Variants in UGT8 observed in about 807,000 individuals in gnomAD.
The protein encoded by UGT8 is UDP glycosyltransferase 8.
In UGT8, 12 loss-of-function variants were observed where a neutral mutation model predicts 40.5. The ratio of observed to expected loss-of-function variants is 0.30; its 90% CI spans 0.19 to 0.48. UGT8 has a LOEUF of 0.48. UGT8 is among the 20% of genes least tolerant of loss of function. UGT8 has a pLI of 0.99. For missense variants in UGT8, 513 were observed against 648.7 expected (o/e 0.79, Z 2.27); for synonymous variants, 224 against 240.4 (o/e 0.93, Z 0.63).
intron 2 of UGT8, among the ~76,000 whole-genome samples, chr4:114,639,752 A>G (rs1578434419): frequency 6.6e-6 from 1 of 152,214 alleles, no homozygotes; most frequent in African/African-American, 2.4e-5. Context: ...CAACTTATCC[A>G]TGAAATGTAA....
intron 2 of UGT8, among the ~76,000 whole-genome samples, chr4:114,644,156 A>G (rs1401252667): frequency 6.6e-6 from 1 of 152,176 alleles, no homozygotes; most frequent in Non-Finnish European, 1.5e-5. Flanking sequence ...AAATGATGAT[A>G]AACACAGCCT....
intron 2 of UGT8, among the ~76,000 whole-genome samples, chr4:114,627,843 G>C (rs558666263): frequency 1.2e-3 from 183 of 152,278 alleles, no homozygotes; most frequent in African/African-American, 3.9e-3. Context: ...ACTGTTTGCT[G>C]TTGTTGTACT....
chr4:114,636,585 A>G (rs1732899904), intron 2 of UGT8, among the ~76,000 whole-genome samples: 1 of 152,252 alleles, frequency 6.6e-6, no homozygotes, highest in Non-Finnish European at 1.5e-5. Context: ...TTATCCTTTC[A>G]CAGAAATCCG....
intron 5 of UGT8, 43 bp from the exon 6 acceptor site, chr4:114,675,882 T>A: frequency 1.9e-6 from 3 of 1,548,576 alleles, no homozygotes; most frequent in Non-Finnish European, 2.6e-6. Flanking sequence ...TATAGAACTT[T>A]ATTATAAGCA....
At chr4:114,631,062 A>C (rs1732540408) in intron 2 of UGT8, among the ~76,000 whole-genome samples, 1 of 152,210 alleles carries the variant, frequency 6.6e-6, no homozygotes, top group Non-Finnish European at 1.5e-5. Flanking sequence ...AAATGCCAAA[A>C]AAGCCTTAGT....
At chr4:114,665,608 A>G (rs1734812301) in intron 3 of UGT8, 72 bp from the exon 4 acceptor site, 2 of 1,342,066 alleles carry the variant, frequency 1.5e-6, no homozygotes, top group South Asian at 3.4e-5. Context: ...AAATCTCATA[A>G]TTTAATCAGA....
intron 1 of UGT8, chr4:114,622,591 C>T (rs1370414400): frequency 3.1e-5 from 9 of 289,598 alleles, no homozygotes; most frequent in East Asian, 2.7e-4. Context: ...ACATCCTCTC[C>T]GGCACCTGTT....
chr4:114,620,675 T>C lies in UGT8; in HGVS notation c.-2-2204T>C, dbSNP rs145618704. 2.8e-4 allele frequency among the ~76,000 whole-genome samples: 43 copies of C among 152,306 alleles called. No homozygotes were observed. The East Asian group carries it at 7.7e-3, about 27-fold the overall frequency. On this transcript the variant is annotated intron_variant, in intron 1 of 5. Coordinates refer to ENST00000310836, the MANE Select transcript of UGT8 (RefSeq NM_001128174.3). ...ATTCTTAATGGTATAATTTCAACTT[T>C]CAAATAGTTTGAAACTTCCCTTAGA... is the stretch of plus-strand genomic sequence containing the variant.
intron 2 of UGT8, among the ~76,000 whole-genome samples, chr4:114,646,802 T>G (rs536917485): frequency 9.9e-5 from 15 of 152,228 alleles, no homozygotes; most frequent in Non-Finnish European, 1.9e-4. Flanking sequence ...CAATATTTTT[T>G]GTTTCAATTT....
At chr4:114,668,688 A>C (rs578086835) in intron 5 of UGT8, among the ~76,000 whole-genome samples, 5 of 152,198 alleles carry the variant, frequency 3.3e-5, no homozygotes, top group Non-Finnish European at 7.3e-5. Flanking sequence ...GAACTTGAGT[A>C]ATTTGGCTTA....
rs62308128 is a variant in UGT8 at position 114,639,191 on chromosome 4, G to A, written c.822+15489G>A. Among the ~76,000 whole-genome samples, 846 of 152,218 alleles carry A rather than the reference G, an allele frequency of 5.6e-3. 4 individuals are homozygous for A. The highest frequency in any genetic ancestry group is 9.4e-3 in the Non-Finnish European group (640 of 67,998). ...GAAAGAACACCCAAATGGAAATAAA[G>A]AATAGCAGTCTCTGACTCTCTTCCA... On this transcript the variant is annotated intron_variant, in intron 2 of 5. Transcript: ENST00000310836.
intron 5 of UGT8, among the ~76,000 whole-genome samples, chr4:114,670,137 G>A (rs1267908596): frequency 2.0e-5 from 3 of 152,118 alleles, no homozygotes; most frequent in Admixed American, 6.6e-5. Context: ...GGCCAATATC[G>A]CTGATGAACA....
At chr4:114,645,835 A>G (rs115511138) in intron 2 of UGT8, among the ~76,000 whole-genome samples, 2,531 of 152,290 alleles carry the variant, frequency 0.017, 20 homozygotes, top group Non-Finnish European at 0.028. Flanking sequence ...TGAAATAGGT[A>G]GATTTTACAC....
chr4:114,617,419 A>G (rs553253753), intron 1 of UGT8, among the ~76,000 whole-genome samples: 44 of 152,340 alleles, frequency 2.9e-4, no homozygotes, highest in Non-Finnish European at 5.4e-4. Context: ...AGACACACCT[A>G]TTAAAATGCT....
chr4:114,634,643 A>G (rs947166984), intron 2 of UGT8, among the ~76,000 whole-genome samples: 1 of 152,222 alleles, frequency 6.6e-6, no homozygotes, highest in Admixed American at 6.5e-5. Flanking sequence ...ATAGTAATAA[A>G]TGACTAAACT....
chr4:114,642,334 A>G (rs1268758166), intron 2 of UGT8, among the ~76,000 whole-genome samples: 2 of 152,106 alleles, frequency 1.3e-5, no homozygotes, highest in African/African-American at 4.8e-5. Context: ...GGGATAATAA[A>G]GTGAGAAAGC....
chr4:114,677,802 CATGGAAGAGTTGTGAAA>C lies in UGT8; in HGVS notation c.*1517_*1533del, dbSNP rs1735744262. 6.6e-6 allele frequency: 1 copy of C among 152,152 alleles called. No individual in the cohort carries two copies. Among genetic ancestry groups the C allele is most frequent in the South Asian group, 2.1e-4 (1 of 4,820 alleles). 9.4% of individuals were successfully genotyped at this position (152,152 alleles called of 1,614,324 possible). On this transcript the variant is annotated 3_prime_UTR_variant, in exon 6 of 6. Transcript: ENST00000310836. ...ACATTTACCTAATGTCATTCACTAACATGGAAGAGTTGTGAAAATTCTAGAGTGCTGTAAATCCTTGG... is the reference window on the plus strand; with the variant it reads ...ACATTTACCTAATGTCATTCACTAACATTCTAGAGTGCTGTAAATCCTTGG...
intron 4 of UGT8, among the ~76,000 whole-genome samples, chr4:114,666,621 TTAAG>T (rs1480039227): frequency 3.3e-5 from 5 of 152,188 alleles, no homozygotes; most frequent in African/African-American, 2.4e-5. Flanking sequence ...AGCAGGAAGT[TTAAG>T]TGAGATAACC....
At chr4:114,669,812 T>C (rs955769772) in intron 5 of UGT8, among the ~76,000 whole-genome samples, 1 of 152,238 alleles carries the variant, frequency 6.6e-6, no homozygotes, top group African/African-American at 2.4e-5. Context: ...AAACCTTAAA[T>C]ATTTAACTGA....
Sources: gnomAD v4.1 joint callset for allele counts (sites outside exome capture counted in the v4.1 genomes callset) on GRCh38, gnomAD v4.1.1 for gene constraint, MANE v1.5 for transcripts, NCBI Gene and HGNC (gene_info 2026-07-23, HGNC 2026-07-21) for gene names.